ATR: variants seen among roughly 807,000 people sequenced by gnomAD.
ATR encodes serine/threonine-protein kinase ATR.
A neutral mutation model predicts 305.3 loss-of-function variants in ATR; 142 were observed. The ratio of observed to expected loss-of-function variants is 0.47; its 90% CI spans 0.41 to 0.53. The LOEUF (loss-of-function observed/expected upper bound fraction) is 0.53. ATR is among the 20% of genes least tolerant of loss of function. The pLI, the probability that ATR is intolerant of heterozygous loss-of-function variation, is 0.00. For missense variants in ATR, 2,135 were observed against 3,133.1 expected, an observed-to-expected ratio of 0.68 and a Z score of 7.60; for synonymous variants, 1,050 against 1,068.1, an observed-to-expected ratio of 0.98 and a Z score of 0.33.
At chr3:142,466,563 G>C (rs1298758223) in intron 39 of ATR, 30 bp from the exon 40 acceptor site, 2 of 1,578,512 alleles carry the variant, frequency 1.3e-6, no homozygotes. Flanking sequence ...ATTTTAATTT[G>C]TTTTTACCTT....
At chr3:142,533,600 C>CAT (rs140960943) in intron 21 of ATR, among the ~76,000 whole-genome samples, 2,850 of 152,216 alleles carry the variant, frequency 0.019, 33 homozygotes, top group South Asian at 0.041. Flanking sequence ...GTTAGGAAGA[C>CAT]GTGTTTCTGG....
chr3:142,457,826 T>C, intron 44 of ATR, 71 bp from the exon 45 acceptor site: 1 of 1,551,570 alleles, frequency 6.4e-7, no homozygotes, highest in Non-Finnish European at 8.8e-7. Flanking sequence ...AAGAACTTCA[T>C]GTCCAGATTC....
intron 1 of ATR, among the ~76,000 whole-genome samples, chr3:142,574,036 T>G (rs2035358806): frequency 6.6e-6 from 1 of 152,212 alleles, no homozygotes; most frequent in Non-Finnish European, 1.5e-5. Context: ...GAGCCAGGAT[T>G]GTGGGTAGTG....
In ATR at chr3:142,459,402, T is replaced by C. The variant is rs770047730; in HGVS notation, c.7193-19A>G. The C allele has an allele frequency of 6.2e-7, 1 of 1,613,508 alleles. No individual in the cohort carries two copies. Among genetic ancestry groups the C allele is most frequent in the Admixed American group, 1.7e-5 (1 of 59,984 alleles). On this transcript the variant is annotated intron_variant, in intron 42 of 46. Transcript: ENST00000350721. The stretch of plus-strand genomic sequence containing the variant: ...TACACTCCTGCAAGGAAGAGTGATA[T>C]CCATTAATCACATCAGCCAAATGAA...
At chr3:142,469,883 T>C (rs1321753088) in intron 37 of ATR, among the ~76,000 whole-genome samples, 1 of 152,200 alleles carries the variant, frequency 6.6e-6, no homozygotes, top group Non-Finnish European at 1.5e-5. Flanking sequence ...AGATTTGTAT[T>C]TGTGGCCCTG....
At chr3:142,450,783 G>A (rs755397281) in intron 46 of ATR, 85 of 1,451,040 alleles carry the variant, frequency 5.9e-5, no homozygotes, top group East Asian at 1.0e-4. Flanking sequence ...ATCACACTGC[G>A]TGGACAGAAC....
chr3:142,550,575 A>G (rs529986058), intron 13 of ATR, among the ~76,000 whole-genome samples: 22 of 152,320 alleles, frequency 1.4e-4, no homozygotes, highest in Non-Finnish European at 2.6e-4. Flanking sequence ...CTTTTCAGCC[A>G]TTAATTGAAT....
Position 142,540,797 on chromosome 3 carries a change from T to G in ATR, c.3581+107A>C, listed in dbSNP as rs564845154. 3.5e-5 allele frequency: 45 copies of G among 1,297,906 alleles called. No homozygotes were observed. The South Asian group carries it at 5.9e-4, about 17-fold the overall frequency. The allele number at this position is 1,297,906 out of a possible 1,614,324, so 80.4% of individuals were successfully genotyped here. A position where few individuals can be genotyped will look rare whatever the true frequency, so the allele number is the denominator to read the frequency against. On this transcript the variant is annotated intron_variant, in intron 18 of 46. Coordinates refer to ENST00000350721, the MANE Select transcript of ATR (RefSeq NM_001184.4). Reference sequence around the variant, plus strand: ...AATACAAATAAATAGTCTTTCTACCTTATTTATTATTTGAACCCAATTTCC... The same window carrying G: ...AATACAAATAAATAGTCTTTCTACCGTATTTATTATTTGAACCCAATTTCC...
At chr3:142,550,698 C>T (rs1455719638) in intron 13 of ATR, among the ~76,000 whole-genome samples, 1 of 152,064 alleles carries the variant, frequency 6.6e-6, no homozygotes, top group Non-Finnish European at 1.5e-5. Flanking sequence ...CATTTATAAC[C>T]TGTATCTTCA....
In ATR at chr3:142,502,719, CA is replaced by C. The variant is rs547021124; in HGVS notation, c.5288+642del. Among the ~76,000 whole-genome samples, 24 of 152,196 alleles carry C rather than the reference CA, an allele frequency of 1.6e-4. No individual in the cohort carries two copies. The South Asian group carries it at 2.5e-3, about 16-fold the overall frequency. On this transcript the variant is annotated intron_variant, in intron 30 of 46. Transcript: ENST00000350721. ...AACTGAGATCCCATTCCCTTTTGAC[CA>C]GATTTTACTGCCCAGAATAGCCATT... is the stretch of plus-strand genomic sequence containing the variant.
chr3:142,571,624 C>T (rs1432130169), intron 1 of ATR, among the ~76,000 whole-genome samples: 1 of 152,094 alleles, frequency 6.6e-6, no homozygotes, highest in Non-Finnish European at 1.5e-5. Context: ...GACAAAACAA[C>T]TTAGGGTGTA....
intron 13 of ATR, among the ~76,000 whole-genome samples, chr3:142,551,122 C>G (rs925944210): frequency 2.0e-5 from 3 of 152,116 alleles, no homozygotes; most frequent in African/African-American, 7.2e-5. Context: ...ACAATGCTTT[C>G]TTTTTAAAAC....
In ATR at chr3:142,562,691, T is replaced by C. The variant is rs753387825; in HGVS notation, c.711A>G (p.Leu237=). ...LLLWQIGCVL[L]EYGSPKIKSL... The stretch of plus-strand genomic sequence containing the variant: ...ATTTAATTTTTGGACTACCATACTC[T>C]AGCAGAACACAACCTATCTGCCAAA... Residue 237 remains leucine (L), a synonymous_variant, in exon 4 of 47, where the codon CTA becomes CTG. Transcript: ENST00000350721. The C allele has an allele frequency of 3.7e-6, 6 of 1,614,126 alleles. No homozygotes were observed. The South Asian group carries it at 6.6e-5, about 18-fold the overall frequency.
chr3:142,460,264 G>A (rs1205777585), intron 42 of ATR, among the ~76,000 whole-genome samples: 1 of 152,088 alleles, frequency 6.6e-6, no homozygotes, highest in South Asian at 2.1e-4. Flanking sequence ...TGATTTATCA[G>A]TATTACTTAA....
Position 142,481,131 on chromosome 3 carries a change from C to A in ATR, c.6221+4009G>T, listed in dbSNP as rs2030435609. 4.6e-5 allele frequency among the ~76,000 whole-genome samples: 7 copies of A among 152,332 alleles called. No homozygotes were observed. In the South Asian group the frequency reaches 1.5e-3, roughly 32 times the overall value. On this transcript the variant is annotated intron_variant, in intron 36 of 46. Coordinates refer to ENST00000350721, the MANE Select transcript of ATR (RefSeq NM_001184.4). ...TCTGACAAGCCCCAGTGAGATGAAC[C>A]CGGTACCTCAGTTGGAAATGCAGAA...
At position 142,531,843 on chromosome 3, in the gene ATR, A is replaced by G. The variant is rs530400168; in HGVS notation, c.3945+3237T>C. Among the ~76,000 whole-genome samples, 1,045 of 152,312 alleles carry G rather than the reference A, an allele frequency of 6.9e-3. 7 individuals carry two copies. Among genetic ancestry groups the G allele is most frequent in the Non-Finnish European group, 8.1e-3 (553 of 68,022 alleles). On this transcript the variant is annotated intron_variant, in intron 21 of 46. Coordinates refer to ENST00000350721, the MANE Select transcript of ATR (RefSeq NM_001184.4). ...GAGGAATCGCCACACTGACTTCCAC[A>G]ATGGTTGAACTAGTTTACAGTCCCA... is the stretch of plus-strand genomic sequence containing the variant.
chr3:142,550,395 G>C (rs1299047637), intron 13 of ATR, 93 bp from the exon 14 acceptor site: 7 of 1,317,558 alleles, frequency 5.3e-6, no homozygotes, highest in Non-Finnish European at 7.6e-6. Flanking sequence ...GTATCAAATA[G>C]TATTCTACAT....
intron 2 of ATR, among the ~76,000 whole-genome samples, chr3:142,566,913 T>C (rs2035094326): frequency 6.6e-6 from 1 of 152,050 alleles, no homozygotes; most frequent in African/African-American, 2.4e-5. Flanking sequence ...CCAGCTAATT[T>C]TGGTATTTTT....
At chr3:142,506,218 G>A (rs1466765984) in intron 28 of ATR, among the ~76,000 whole-genome samples, 2 of 152,008 alleles carry the variant, frequency 1.3e-5, no homozygotes, top group Non-Finnish European at 2.9e-5. Flanking sequence ...ACAGAGAGAT[G>A]GGATGTATCT....
Sources: gnomAD v4.1 joint callset for allele counts (sites outside exome capture counted in the v4.1 genomes callset) on GRCh38, gnomAD v4.1.1 for gene constraint, MANE v1.5 for transcripts, NCBI Gene and HGNC (gene_info 2026-07-23, HGNC 2026-07-21) for gene names.